The following SLC26A7 variants were observed in gnomAD, a reference collection of about 807,000 sequenced individuals.
SLC26A7 encodes the protein anion exchange transporter.
In SLC26A7, 59 loss-of-function variants were observed where a neutral mutation model predicts 82.5. The ratio of observed to expected loss-of-function variants is 0.72; its 90% CI spans 0.58 to 0.89. The LOEUF (loss-of-function observed/expected upper bound fraction) is 0.89, where lower values mean the gene tolerates loss of function less well. Among genes scored for constraint, SLC26A7 ranks in the 40% least tolerant of loss-of-function variants. The pLI, the probability that SLC26A7 is intolerant of heterozygous loss-of-function variation, is 0.00. For missense variants in SLC26A7, 820 were observed against 793.0 expected, an observed-to-expected ratio of 1.03 and a Z score of -0.41; for synonymous variants, 271 against 274.3, an observed-to-expected ratio of 0.99 and a Z score of 0.12.
At chr8:91,272,948 G>C (rs1586348214) in intron 2 of SLC26A7, among the ~76,000 whole-genome samples, 1 of 152,164 alleles carries the variant, frequency 6.6e-6, no homozygotes, top group Admixed American at 6.5e-5. Context: ...GGCAGAAATA[G>C]TGGCAGTAGG....
At chr8:91,281,709 C>T (rs1426866262) in intron 2 of SLC26A7, among the ~76,000 whole-genome samples, 1 of 152,080 alleles carries the variant, frequency 6.6e-6, no homozygotes, top group Non-Finnish European at 1.5e-5. Flanking sequence ...TTTCTTTCTT[C>T]TTCTGGTACC....
chr8:91,324,023 TGCCTTATCAGCCAG>T (rs1314521542), intron 5 of SLC26A7, among the ~76,000 whole-genome samples: 1 of 151,930 alleles, frequency 6.6e-6, no homozygotes, highest in Non-Finnish European at 1.5e-5. Context: ...GCTGGTGTCT[TGCCTTATCAGCCAG>T]GCTGGTCTTG....
At chr8:91,268,205 G>C (rs773461056) in intron 2 of SLC26A7, among the ~76,000 whole-genome samples, 1 of 151,722 alleles carries the variant, frequency 6.6e-6, no homozygotes, top group Non-Finnish European at 1.5e-5. Flanking sequence ...CTGTTGAGAA[G>C]ATCTGTCCAT....
intron 9 of SLC26A7, among the ~76,000 whole-genome samples, chr8:91,344,594 G>A (rs1421118275): frequency 6.6e-6 from 1 of 152,148 alleles, no homozygotes. Flanking sequence ...CATAAAACTA[G>A]CTAATCAAGT....
chr8:91,328,662 A>G (rs1812997067), intron 5 of SLC26A7, among the ~76,000 whole-genome samples: 1 of 152,046 alleles, frequency 6.6e-6, no homozygotes, highest in Non-Finnish European at 1.5e-5. Context: ...TTTCCCAGAC[A>G]CCATTCTAGA....
At chr8:91,279,600 C>T (rs1811510378) in intron 2 of SLC26A7, among the ~76,000 whole-genome samples, 2 of 152,120 alleles carry the variant, frequency 1.3e-5, no homozygotes, top group Non-Finnish European at 2.9e-5. Context: ...CTCGCTGTTG[C>T]CCAGGCTGGA....
intron 2 of SLC26A7, among the ~76,000 whole-genome samples, chr8:91,280,113 C>T (rs1811529458): frequency 2.0e-5 from 3 of 152,146 alleles, no homozygotes; most frequent in African/African-American, 4.8e-5. Flanking sequence ...GATGTAATCC[C>T]ATTAGTCTAT....
At chr8:91,219,035 C>A in intron 2 of SLC26A7, 2 of 1,208,350 alleles carry the variant, frequency 1.7e-6, no homozygotes, top group Non-Finnish European at 2.4e-6. Context: ...CCTCACTCCA[C>A]TTGCCCTGTC....
At chr8:91,390,397 G>A (rs1490856731) in intron 16 of SLC26A7, among the ~76,000 whole-genome samples, 1 of 152,114 alleles carries the variant, frequency 6.6e-6, no homozygotes, top group Non-Finnish European at 1.5e-5. Flanking sequence ...GATTACAGGC[G>A]TGAACCTCCT....
At chr8:91,336,402 G>A (rs1397871195) in intron 6 of SLC26A7, among the ~76,000 whole-genome samples, 1 of 152,016 alleles carries the variant, frequency 6.6e-6, no homozygotes, top group Non-Finnish European at 1.5e-5. Flanking sequence ...ATAGGAACAC[G>A]AACCCTGTTG....
chr8:91,380,365 C>T lies in SLC26A7; in HGVS notation c.1676-8973C>T, dbSNP rs563550519. Among the ~76,000 whole-genome samples, 36 of 151,984 alleles carry T rather than the reference C, an allele frequency of 2.4e-4. 2 individuals carry two copies. The Middle Eastern group carries it at 0.01, about 43-fold the overall frequency. ...AAATTAATTTATGTTTTATATACAC[C>T]CTATACACATAGTCTGAAGGTAATT... On this transcript the variant is annotated intron_variant, in intron 15 of 18. Transcript: ENST00000276609.
chr8:91,226,272 G>A (rs1810238227), intron 2 of SLC26A7, among the ~76,000 whole-genome samples: 1 of 152,078 alleles, frequency 6.6e-6, no homozygotes, highest in Non-Finnish European at 1.5e-5. Context: ...TTTTCTAACA[G>A]TGGTAGTCCT....
chr8:91,362,215 C>A, intron 11 of SLC26A7, 138 bp from the exon 12 acceptor site: 1 of 584,738 alleles, frequency 1.7e-6, no homozygotes, highest in South Asian at 3.1e-5. Flanking sequence ...CTTCTGTTTA[C>A]CACTTGTTAA....
chr8:91,291,362 G>A (rs1031314977), intron 3 of SLC26A7, among the ~76,000 whole-genome samples: 1 of 151,988 alleles, frequency 6.6e-6, no homozygotes, highest in Non-Finnish European at 1.5e-5. Context: ...CTTTTCTTTT[G>A]TATTGATGCA....
chr8:91,379,723 A>G (rs116890784), intron 15 of SLC26A7, among the ~76,000 whole-genome samples: 4,601 of 152,176 alleles, frequency 0.03, 90 homozygotes, highest in South Asian at 0.054. Flanking sequence ...AAAATATCTT[A>G]AAAGACCTTG....
At chr8:91,295,875 G>A (rs761386583) in intron 4 of SLC26A7, among the ~76,000 whole-genome samples, 172 bp downstream of exon 4, 2 of 152,178 alleles carry the variant, frequency 1.3e-5, no homozygotes, top group Non-Finnish European at 2.9e-5. Context: ...ATAAATGCTG[G>A]TTGAATGAAT....
intron 2 of SLC26A7, among the ~76,000 whole-genome samples, chr8:91,219,897 A>C (rs986191835): frequency 1.3e-5 from 2 of 152,226 alleles, no homozygotes; most frequent in African/African-American, 4.8e-5. Flanking sequence ...GAGAAATGTC[A>C]TTATAATTTC....
At chr8:91,370,188 C>A (rs1251420747) in intron 15 of SLC26A7, among the ~76,000 whole-genome samples, 1 of 87,052 alleles carries the variant, frequency 1.1e-5, no homozygotes, top group Non-Finnish European at 2.4e-5. Flanking sequence ...CTTTTTTTTT[C>A]TATTTTCTCC....
At chr8:91,234,215 T>C (rs1810354225) in intron 2 of SLC26A7, among the ~76,000 whole-genome samples, 1 of 152,212 alleles carries the variant, frequency 6.6e-6, no homozygotes, top group African/African-American at 2.4e-5. Flanking sequence ...TGGTTAGGAA[T>C]ACATTTTGGA....
Sources: allele counts gnomAD v4.1 joint callset (sites outside exome capture counted in the v4.1 genomes callset), GRCh38; gene constraint gnomAD v4.1.1; transcripts MANE v1.5; gene names NCBI Gene and HGNC (gene_info 2026-07-23, HGNC 2026-07-21).